The following WTAP variants were observed in gnomAD, a reference collection of about 807,000 sequenced individuals.
The protein encoded by WTAP is WT1 associated protein, also known as pre-mRNA-splicing regulator WTAP.
In WTAP, 8 loss-of-function variants were observed where a neutral mutation model predicts 50.0. The ratio of observed to expected loss-of-function variants is 0.16; its 90% CI spans 0.09 to 0.29. The LOEUF (loss-of-function observed/expected upper bound fraction) is 0.29. Among genes scored for constraint, WTAP ranks in the 10% least tolerant of loss-of-function variants. WTAP has a pLI of 1.00. For missense variants in WTAP, 295 were observed against 470.7 expected, an observed-to-expected ratio of 0.63 and a Z score of 3.45; for synonymous variants, 194 against 169.0, an observed-to-expected ratio of 1.15 and a Z score of -1.15.
intron 1 of WTAP, among the ~76,000 whole-genome samples, chr6:159,729,386 A>C (rs1382886128): frequency 6.6e-6 from 1 of 152,224 alleles, no homozygotes; most frequent in Non-Finnish European, 1.5e-5. Flanking sequence ...TTAACACAGA[A>C]AAACTTTTCA....
intron 1 of WTAP, among the ~76,000 whole-genome samples, chr6:159,732,870 C>G (rs961410290): frequency 3.9e-5 from 5 of 127,180 alleles, no homozygotes; most frequent in African/African-American, 1.8e-4. Context: ...CTCTCTCTCT[C>G]TCTGTATATA....
chr6:159,738,449 A>G (rs149596720), intron 2 of WTAP, among the ~76,000 whole-genome samples: 1 of 152,160 alleles, frequency 6.6e-6, no homozygotes, highest in African/African-American at 2.4e-5. Flanking sequence ...AAAGTGTTCC[A>G]TGGTGTGGCT....
chr6:159,727,052 A>T (rs1583053468), upstream of WTAP: 2 of 1,217,020 alleles, frequency 1.6e-6, no homozygotes, highest in Non-Finnish European at 2.1e-6. Flanking sequence ...GAGTACTTCC[A>T]CCTTCCCTTC....
At chr6:159,727,419 T>G, upstream of WTAP, 4 of 932,696 alleles carry the variant, frequency 4.3e-6, no homozygotes, top group Non-Finnish European at 5.2e-6. Context: ...GGCGCTGGCC[T>G]GCGGCGCGTT....
intron 1 of WTAP, among the ~76,000 whole-genome samples, chr6:159,734,809 AT>A (rs200318181): frequency 0.012 from 1,884 of 152,252 alleles, 17 homozygotes; most frequent in Middle Eastern, 0.037. Context: ...TTATATAAAG[AT>A]TTTATGTTTG....
intron 3 of WTAP, among the ~76,000 whole-genome samples, chr6:159,741,064 C>G (rs1779228551): frequency 6.6e-6 from 1 of 152,034 alleles, no homozygotes; most frequent in Non-Finnish European, 1.5e-5. Context: ...TTTTCTAAAG[C>G]CAAATTTTAA....
At position 159,747,179 on chromosome 6, in the gene WTAP, G is replaced by A. The variant is rs369332051; in HGVS notation, c.274-1012G>A. Among the ~76,000 whole-genome samples the A allele has an allele frequency of 3.0e-4, 45 of 152,274 alleles. 2 individuals carry two copies. In the South Asian group the frequency reaches 9.1e-3, roughly 31 times the overall value. On this transcript the variant is annotated intron_variant, in intron 5 of 7. Coordinates refer to ENST00000621533, the MANE Select transcript of WTAP (RefSeq NM_001270531.2). ...CTTGGGCCAGATCTACTTTGAGTATGAAGAAAATGATGAATTTAATGCTAA... is the reference window on the plus strand; with the variant it reads ...CTTGGGCCAGATCTACTTTGAGTATAAAGAAAATGATGAATTTAATGCTAA...
upstream of WTAP, chr6:159,726,959 C>A: frequency 7.8e-7 from 1 of 1,286,110 alleles, no homozygotes; most frequent in South Asian, 1.2e-5. Flanking sequence ...ATGAGCGTCA[C>A]GAACACAGAG....
In WTAP at chr6:159,748,504, C is replaced by G; in HGVS notation, c.452+135C>G. ...GCCAAAAAAAAGCCACATTCTTACACTGTCCAGCTTGTAATGGTTAATGTA... is the reference window on the plus strand; with the variant it reads ...GCCAAAAAAAAGCCACATTCTTACAGTGTCCAGCTTGTAATGGTTAATGTA... On this transcript the variant is annotated intron_variant, in intron 6 of 7. Transcript: ENST00000621533. This position sits in a 1 kb window ranked among gnomAD's most constrained non-coding sequence, Gnocchi z 5.6. 1 of 1,472,926 alleles carries G rather than the reference C, an allele frequency of 6.8e-7. No individual in the cohort carries two copies. Among genetic ancestry groups the G allele is most frequent in the South Asian group, 1.4e-5 (1 of 69,156 alleles). The allele number at this position is 1,472,926 out of a possible 1,614,324, so 91.2% of individuals were successfully genotyped here.
intron 3 of WTAP, chr6:159,741,645 TTTCC>T (rs1228204276): frequency 6.3e-6 from 1 of 158,264 alleles, no homozygotes; most frequent in Non-Finnish European, 1.4e-5. Context: ...TTTTTACCTG[TTTCC>T]TGTAAAATGG....
At chr6:159,734,542 T>C (rs1243205984) in intron 1 of WTAP, among the ~76,000 whole-genome samples, 1 of 152,086 alleles carries the variant, frequency 6.6e-6, no homozygotes, top group Non-Finnish European at 1.5e-5. Context: ...CTGGGCGTGA[T>C]CCTTCCACAG....
Position 159,743,384 on chromosome 6 carries a change from A to G in WTAP, c.146-281A>G, listed in dbSNP as rs114061525. Among the ~76,000 whole-genome samples the G allele has an allele frequency of 6.0e-3, 910 of 152,372 alleles. 9 individuals are homozygous for G. The highest frequency in any genetic ancestry group is 0.021 in the African/African-American group (881 of 41,592). ...TTAAATAGGTTAAAACATACTAATC[A>G]GGATTTTGTGAATACTGTATAACAC... On this transcript the variant is annotated intron_variant, in intron 4 of 7. Transcript: ENST00000621533.
intron 5 of WTAP, among the ~76,000 whole-genome samples, chr6:159,747,894 A>AAATG (rs34793146): frequency 4.0e-5 from 6 of 151,702 alleles, no homozygotes; most frequent in Non-Finnish European, 8.8e-5. Flanking sequence ...AACCTTAAAT[A>AAATG]GTTATTTTTT....
At chr6:159,727,137 C>G, upstream of WTAP, 1 of 1,195,204 alleles carries the variant, frequency 8.4e-7, no homozygotes, top group Non-Finnish European at 1.1e-6. Context: ...ACTGAGCTTG[C>G]TGAGCTCCGG....
intron 5 of WTAP, among the ~76,000 whole-genome samples, chr6:159,747,986 C>A (rs914160429): frequency 1.3e-5 from 2 of 151,994 alleles, no homozygotes; most frequent in Admixed American, 6.6e-5. Flanking sequence ...GTGATCAGAT[C>A]GGGGTAATTA....
At chr6:159,736,233 T>C in intron 1 of WTAP, 25 bp from the exon 2 acceptor site, 1 of 1,587,198 alleles carries the variant, frequency 6.3e-7, no homozygotes, top group Non-Finnish European at 8.6e-7. Flanking sequence ...AAATTGAACT[T>C]GTTTTCCGCA....
chr6:159,743,407 C>G (rs1779380442), intron 4 of WTAP, among the ~76,000 whole-genome samples: 1 of 152,184 alleles, frequency 6.6e-6, no homozygotes, highest in South Asian at 2.1e-4. Context: ...TACTGTATAA[C>G]ACAGATGTTT....
intron 1 of WTAP, among the ~76,000 whole-genome samples, chr6:159,734,525 A>G (rs1452809110): frequency 2.6e-5 from 4 of 152,190 alleles, no homozygotes; most frequent in African/African-American, 9.7e-5. Flanking sequence ...AGAAATAATA[A>G]CTAGGGCTGG....
chr6:159,731,197 C>T (rs1778548139), intron 1 of WTAP, among the ~76,000 whole-genome samples: 1 of 151,392 alleles, frequency 6.6e-6, no homozygotes, highest in South Asian at 2.1e-4. Context: ...CATGGTGGCT[C>T]ACAACTGTAG....
Sources: allele counts gnomAD v4.1 joint callset (sites outside exome capture counted in the v4.1 genomes callset), GRCh38; gene constraint gnomAD v4.1.1; non-coding constraint Gnocchi (gnomAD v3.1); transcripts MANE v1.5; gene names NCBI Gene and HGNC (gene_info 2026-07-23, HGNC 2026-07-21).